ARHGEF10: variants seen among roughly 807,000 people sequenced by gnomAD.
ARHGEF10 encodes the protein Rho guanine nucleotide exchange factor (GEF) 10.
ARHGEF10 carries 140 observed loss-of-function variants against 147.4 expected under a neutral mutation model. That is an observed-to-expected ratio of 0.95 (90% CI 0.83 to 1.09). The LOEUF (loss-of-function observed/expected upper bound fraction) is 1.09. Ranked by LOEUF, ARHGEF10 falls within the 50% of genes least tolerant of loss-of-function variation. The pLI is 0.00. For synonymous variants in ARHGEF10, 902 were observed against 695.8 expected (o/e 1.30, Z -4.67); for missense variants, 2,222 against 1,752.7 (o/e 1.27, Z -4.78).
intron 7 of ARHGEF10, among the ~76,000 whole-genome samples, chr8:1,873,889 AC>A (rs1165815514): frequency 6.6e-6 from 1 of 151,740 alleles, no homozygotes; most frequent in Non-Finnish European, 1.5e-5. Flanking sequence ...TGTCAGGTAT[AC>A]GTAAATATTC....
rs76188191 is a variant in ARHGEF10 at position 1,940,476 on chromosome 8, G to A, written c.3223-5005G>A. On this transcript the variant is annotated intron_variant, in intron 26 of 28. Coordinates refer to ENST00000349830, the MANE Select transcript of ARHGEF10 (RefSeq NM_014629.4). ...TAGACCTAAAAGTAGTAAGGAAATT[G>A]AATCAGTAATCACAAACTTCTGAAC... is the stretch of plus-strand genomic sequence containing the variant. Among the ~76,000 whole-genome samples, 11 of 152,308 alleles carry A rather than the reference G, an allele frequency of 7.2e-5. No individual in the cohort carries two copies. In the East Asian group the frequency reaches 1.7e-3, roughly 24 times the overall value.
At chr8:1,890,283 G>C (rs909094249) in intron 11 of ARHGEF10, among the ~76,000 whole-genome samples, 1 of 150,642 alleles carries the variant, frequency 6.6e-6, no homozygotes, top group African/African-American at 2.5e-5. Context: ...CATTGAGTGG[G>C]GTGAGGGTTC....
At chr8:1,931,359 C>T (rs1289677984) in intron 25 of ARHGEF10, among the ~76,000 whole-genome samples, 2 of 152,138 alleles carry the variant, frequency 1.3e-5, no homozygotes, top group African/African-American at 4.8e-5. Context: ...TGCTTATGTC[C>T]CCCTTTTTTC....
chr8:1,909,334 C>G lies in ARHGEF10; in HGVS notation c.2007C>G (p.Tyr669Ter), dbSNP rs1563270230. The change falls in exon 18 of 29, where the codon TAC (tyrosine) becomes TAG (stop). Residue 669 changes from tyrosine to a stop codon, truncating the protein, a stop_gained. Transcript: ENST00000349830. LOFTEE classifies it high-confidence loss of function. ...HDSRVMSSQRYLLKWSVPLGH... is the reference protein window; with the variant it reads ...HDSRVMSSQR ...GCCGTGTGATGAGCAGCCAGAGGTA[C>G]TTGCTGAAGTGGAGCGTTCCACTGG... 1.9e-6 allele frequency: 3 copies of G among 1,614,256 alleles called. No individual in the cohort carries two copies. The highest frequency in any genetic ancestry group is 1.3e-5 in the African/African-American group (1 of 75,076).
intron 13 of ARHGEF10, among the ~76,000 whole-genome samples, chr8:1,894,970 G>A (rs965961718): frequency 2.0e-5 from 3 of 152,210 alleles, no homozygotes; most frequent in Non-Finnish European, 4.4e-5. Flanking sequence ...TGATCTAGGT[G>A]TCACTTTCTG....
At chr8:1,875,055 C>G (rs1316649957) in intron 7 of ARHGEF10, among the ~76,000 whole-genome samples, 5 of 29,170 alleles carry the variant, frequency 1.7e-4, no homozygotes, top group Admixed American at 3.9e-4. Context: ...GCTGGAGGAA[C>G]AGTGGAGACA....
At chr8:1,856,153 G>T (rs1163802145) in intron 2 of ARHGEF10, among the ~76,000 whole-genome samples, 1 of 152,238 alleles carries the variant, frequency 6.6e-6, no homozygotes, top group Non-Finnish European at 1.5e-5. Context: ...TATCTGGGCA[G>T]AGCAGAGTTC....
Position 1,882,721 on chromosome 8 carries a change from C to A in ARHGEF10, c.1047C>A (p.Phe349Leu), listed in dbSNP as rs1029062288. 2.6e-6 allele frequency: 4 copies of A among 1,554,440 alleles called. No homozygotes were observed. In the African/African-American group the frequency reaches 5.5e-5, roughly 21 times the overall value. Reference protein sequence around the residue: ...TRAAVKRGRSFIRTKSLIAQD... With the variant: ...TRAAVKRGRSLIRTKSLIAQD... ...CAGCCGTGAAGAGGGGCCGCTCCTT[C>A]ATCAGGACCAAGTCTCTCATCGCAC... The change falls in exon 10 of 29, where the codon TTC (phenylalanine) becomes TTA (leucine). Residue 349 changes from phenylalanine (F) to leucine (L), a missense_variant. Transcript: ENST00000349830.
At position 1,896,408 on chromosome 8, in the gene ARHGEF10, A is replaced by G. The variant is rs761014171; in HGVS notation, c.1516A>G (p.Lys506Glu). 1.2e-6 allele frequency: 2 copies of G among 1,613,934 alleles called. No homozygotes were observed. The highest frequency in any genetic ancestry group is 1.7e-5 in the Admixed American group (1 of 59,992). ...CAGCACAGCCGTGGCAGTCCTCAAG[A>G]AAACATGTGCCACAAAGCCCGCTTT... ...NFSTAVAVLK[K>E]TCATKPAFLE... Residue 506 changes from lysine (K) to glutamate (E), a missense_variant, in exon 14 of 29, where the codon AAA (lysine) becomes GAA (glutamate). Coordinates refer to ENST00000349830, the MANE Select transcript of ARHGEF10 (RefSeq NM_014629.4).
chr8:1,897,340 G>A (rs189440145), intron 14 of ARHGEF10, among the ~76,000 whole-genome samples: 52 of 152,256 alleles, frequency 3.4e-4, no homozygotes, highest in African/African-American at 1.2e-3. Context: ...GGATCGGATC[G>A]CAGTTCCCAC....
At chr8:1,867,056 A>C (rs1410432886) in intron 6 of ARHGEF10, among the ~76,000 whole-genome samples, 1 of 148,502 alleles carries the variant, frequency 6.7e-6, no homozygotes, top group Non-Finnish European at 1.5e-5. Flanking sequence ...TTTATTTTAC[A>C]TAACTTGGTG....
intron 28 of ARHGEF10, among the ~76,000 whole-genome samples, chr8:1,955,743 G>A (rs183843751): frequency 6.6e-6 from 1 of 152,382 alleles, no homozygotes; most frequent in Admixed American, 6.5e-5. Context: ...CTACCCATTT[G>A]CATTACACAT....
At chr8:1,840,767 G>A (rs1269922295) in intron 1 of ARHGEF10, among the ~76,000 whole-genome samples, 1 of 152,174 alleles carries the variant, frequency 6.6e-6, no homozygotes, top group Admixed American at 6.5e-5. Flanking sequence ...ACCTTAACTT[G>A]GATATGACAG....
Position 1,871,464 on chromosome 8 carries a change from C to T in ARHGEF10, c.679+2214C>T, listed in dbSNP as rs373156110. Reference sequence around the variant, plus strand: ...ATTTTGTCTTGAATAATAATAAAAACATTACATAAACTATATGGGATAGAT... The same window carrying T: ...ATTTTGTCTTGAATAATAATAAAAATATTACATAAACTATATGGGATAGAT... On this transcript the variant is annotated intron_variant, in intron 7 of 28. Coordinates refer to ENST00000349830, the MANE Select transcript of ARHGEF10 (RefSeq NM_014629.4). 3.3e-5 allele frequency among the ~76,000 whole-genome samples: 5 copies of T among 152,068 alleles called. No individual in the cohort carries two copies. In the South Asian group the frequency reaches 6.2e-4, roughly 19 times the overall value.
intron 9 of ARHGEF10, 41 bp downstream of exon 9, chr8:1,880,205 G>A (rs540683201): frequency 2.9e-5 from 43 of 1,467,012 alleles, no homozygotes; most frequent in South Asian, 1.1e-4. Flanking sequence ...CTTGCCAGCC[G>A]GGCAGTAAAG....
chr8:1,935,184 C>T (rs1813475900), intron 26 of ARHGEF10, among the ~76,000 whole-genome samples: 1 of 151,968 alleles, frequency 6.6e-6, no homozygotes, highest in African/African-American at 2.4e-5. Context: ...CGGAATTTTC[C>T]ATGTACCCCT....
At position 1,894,515 on chromosome 8, in the gene ARHGEF10, C is replaced by T. The variant is rs1809813336; in HGVS notation, c.1383C>T (p.Ala461=). 1.2e-6 allele frequency: 2 copies of T among 1,614,058 alleles called. No homozygotes were observed. The highest frequency in any genetic ancestry group is 1.3e-5 in the African/African-American group (1 of 74,918). ...QCHSLFQIAL[A]SRVSEWDSVE... Reference sequence around the variant, plus strand: ...ACTCGCTATTTCAGATCGCGCTGGCCAGCCGCGTTTCCGAGTGGGACTCCG... The same window carrying T: ...ACTCGCTATTTCAGATCGCGCTGGCTAGCCGCGTTTCCGAGTGGGACTCCG... The change falls in exon 13 of 29, where the codon GCC becomes GCT. Residue 461 remains alanine (A), a synonymous_variant. Transcript: ENST00000349830.
At chr8:1,862,642 C>G (rs1361277916) in intron 4 of ARHGEF10, among the ~76,000 whole-genome samples, 1 of 152,226 alleles carries the variant, frequency 6.6e-6, no homozygotes, top group East Asian at 1.9e-4. Flanking sequence ...CTCCTGGACA[C>G]CCCCGTGGGG....
chr8:1,951,458 G>A (rs1029159948), intron 27 of ARHGEF10, among the ~76,000 whole-genome samples: 2 of 152,296 alleles, frequency 1.3e-5, no homozygotes, highest in African/African-American at 2.4e-5. Flanking sequence ...AATATGAATC[G>A]GCGTTTAGAA....
Sources: gnomAD v4.1 joint callset for allele counts (sites outside exome capture counted in the v4.1 genomes callset) on GRCh38, gnomAD v4.1.1 for gene constraint, MANE v1.5 for transcripts, NCBI Gene and HGNC (gene_info 2026-07-23, HGNC 2026-07-21) for gene names.